The following GRIK1 variants were observed in gnomAD, a reference collection of about 807,000 sequenced individuals.
GRIK1 encodes the protein glutamate ionotropic receptor kainate type subunit 1.
A neutral mutation model predicts 105.7 loss-of-function variants in GRIK1; 69 were observed. The ratio of observed to expected loss-of-function variants is 0.65; its 90% CI spans 0.54 to 0.80. GRIK1 has a LOEUF of 0.80. Among genes scored for constraint, GRIK1 ranks in the 30% least tolerant of loss-of-function variants. GRIK1 has a pLI of 0.00. For synonymous variants in GRIK1, 438 were observed against 431.3 expected, an observed-to-expected ratio of 1.02 and a Z score of -0.19; for missense variants, 1,109 against 1,167.3, an observed-to-expected ratio of 0.95 and a Z score of 0.73.
chr21:29,721,055 A>C (rs1052194290), intron 1 of GRIK1, among the ~76,000 whole-genome samples: 1 of 152,044 alleles, frequency 6.6e-6, no homozygotes, highest in Non-Finnish European at 1.5e-5. Flanking sequence ...CTCTTTCCCC[A>C]AAATCATTTA....
intron 15 of GRIK1, among the ~76,000 whole-genome samples, chr21:29,557,716 A>T (rs2090291950): frequency 6.6e-6 from 1 of 152,164 alleles, no homozygotes; most frequent in South Asian, 2.1e-4. Context: ...AAACAAAATT[A>T]AAAGATATTG....
At chr21:29,651,060 C>T (rs1349753722) in intron 6 of GRIK1, 58 bp downstream of exon 6, 8 of 1,302,648 alleles carry the variant, frequency 6.1e-6, no homozygotes, top group Admixed American at 6.1e-5. Flanking sequence ...TACGTGAGAT[C>T]TTAACCCCGA....
At chr21:29,794,760 T>C (rs2066511381) in intron 1 of GRIK1, among the ~76,000 whole-genome samples, 1 of 152,122 alleles carries the variant, frequency 6.6e-6, no homozygotes. Flanking sequence ...GTTGGGGAAA[T>C]AGAAATATGT....
At chr21:29,870,768 A>G (rs907471881) in intron 1 of GRIK1, among the ~76,000 whole-genome samples, 7 of 152,136 alleles carry the variant, frequency 4.6e-5, no homozygotes, top group Admixed American at 3.9e-4. Context: ...GTAGAACCAG[A>G]ATTATATTTA....
Position 29,899,015 on chromosome 21 carries a change from G to A in GRIK1, c.118+40368C>T, listed in dbSNP as rs149168170. Among the ~76,000 whole-genome samples the A allele has an allele frequency of 1.6e-4, 25 of 151,926 alleles. No homozygotes were observed. The East Asian group carries it at 3.5e-3, about 21-fold the overall frequency. ...AAAACATCTACTTATATAATCTAAT[G>A]GCTTTTTTCATATTCTTATTGTAAT... is the stretch of plus-strand genomic sequence containing the variant. On this transcript the variant is annotated intron_variant, in intron 1 of 17. Coordinates refer to ENST00000327783, the MANE Select transcript of GRIK1 (RefSeq NM_001330994.2).
intron 1 of GRIK1, among the ~76,000 whole-genome samples, chr21:29,782,309 A>T (rs1406881591): frequency 2.6e-5 from 4 of 151,878 alleles, no homozygotes; most frequent in African/African-American, 9.7e-5. Context: ...GATGGTCTCG[A>T]TCTCCTGACC....
chr21:29,612,699 A>G (rs1984823707), intron 7 of GRIK1, among the ~76,000 whole-genome samples: 1 of 152,212 alleles, frequency 6.6e-6, no homozygotes. Flanking sequence ...AGAAAGATTG[A>G]GATAAAACAG....
intron 16 of GRIK1, among the ~76,000 whole-genome samples, chr21:29,552,217 C>G (rs1568800481): frequency 6.6e-6 from 1 of 152,042 alleles, no homozygotes; most frequent in Non-Finnish European, 1.5e-5. Flanking sequence ...CAAGGAAGTG[C>G]TTTAGGGGAT....
rs78190784 is a variant in GRIK1, at chr21:29,846,545, C to A, written c.118+92838G>T. On this transcript the variant is annotated intron_variant, in intron 1 of 17. Coordinates refer to ENST00000327783, the MANE Select transcript of GRIK1 (RefSeq NM_001330994.2). ...ATGCTTCTTCATGCATTTGTCCCGT[C>A]ATTCTGTTGAGCTGTTCTGAGATGC... Among the ~76,000 whole-genome samples, 322 of 152,206 alleles carry A rather than the reference C, an allele frequency of 2.1e-3. 4 individuals are homozygous for A. The highest frequency in any genetic ancestry group is 7.2e-3 in the African/African-American group (297 of 41,534).
rs776463419 is a variant in GRIK1 at position 29,689,856 on chromosome 21, G to A, written c.416C>T (p.Ser139Leu). ...GTAAAACAAATCTTTGTTGTCCACC[G>A]AGGGGTGTTTCCAGCGGGTCTGTAT... is the stretch of plus-strand genomic sequence containing the variant. ...PHIQTRWKHP[S>L]VDNKDLFYIN... is the part of the protein sequence containing the mutation. Residue 139 changes from serine (S) to leucine (L), a missense_variant, in exon 3 of 18, where the codon TCG (serine) becomes TTG (leucine). Physicochemically the swap from Ser to Leu is moderately radical, Grantham distance 145. Coordinates refer to ENST00000327783, the MANE Select transcript of GRIK1 (RefSeq NM_001330994.2). 1.2e-5 allele frequency: 19 copies of A among 1,613,856 alleles called. No individual in the cohort carries two copies. Among genetic ancestry groups the A allele is most frequent in the South Asian group, 2.2e-5 (2 of 91,064 alleles).
chr21:29,698,124 A>G (rs1474572718), intron 1 of GRIK1, among the ~76,000 whole-genome samples: 1 of 150,976 alleles, frequency 6.6e-6, no homozygotes, highest in East Asian at 2.0e-4. Context: ...TGAGCTGTCA[A>G]TGAGACGTCT....
chr21:29,680,722 A>T (rs2063355415), intron 3 of GRIK1, among the ~76,000 whole-genome samples: 1 of 152,248 alleles, frequency 6.6e-6, no homozygotes. Context: ...TCATTTCATC[A>T]TTGTTGTTGT....
intron 6 of GRIK1, among the ~76,000 whole-genome samples, chr21:29,647,534 G>C (rs948496753): frequency 6.6e-6 from 1 of 152,180 alleles, no homozygotes; most frequent in African/African-American, 2.4e-5. Flanking sequence ...AGGCTCTGAC[G>C]TAAGTTTATG....
At chr21:29,884,538 A>G (rs1186000377) in intron 1 of GRIK1, among the ~76,000 whole-genome samples, 1 of 152,124 alleles carries the variant, frequency 6.6e-6, no homozygotes, top group East Asian at 1.9e-4. Context: ...GGCCATGTTC[A>G]TCTCTCAGTT....
At chr21:29,624,875 A>G (rs1268989207) in intron 7 of GRIK1, among the ~76,000 whole-genome samples, 2 of 152,122 alleles carry the variant, frequency 1.3e-5, no homozygotes, top group African/African-American at 4.8e-5. Flanking sequence ...AGACCCATCC[A>G]CTCTCCAGCT....
At chr21:29,803,159 A>T (rs1158546575) in intron 1 of GRIK1, among the ~76,000 whole-genome samples, 1 of 152,168 alleles carries the variant, frequency 6.6e-6, no homozygotes, top group African/African-American at 2.4e-5. Context: ...TAAAGTAACC[A>T]TAACTCCATC....
At chr21:29,775,891 A>G (rs1294098060) in intron 1 of GRIK1, among the ~76,000 whole-genome samples, 1 of 152,220 alleles carries the variant, frequency 6.6e-6, no homozygotes, top group African/African-American at 2.4e-5. Flanking sequence ...GTCAGTTTTC[A>G]TACTGCTATA....
intron 1 of GRIK1, among the ~76,000 whole-genome samples, chr21:29,698,739 T>C (rs896556701): frequency 7.9e-5 from 12 of 152,288 alleles, no homozygotes; most frequent in African/African-American, 2.9e-4. Context: ...TCAAGGTGCA[T>C]GCTTAATATC....
At chr21:29,601,124 G>C (rs2061509967) in intron 7 of GRIK1, 1 of 405,554 alleles carries the variant, frequency 2.5e-6, no homozygotes, top group Admixed American at 2.2e-5. Context: ...GACTGAGCAA[G>C]GCAGACAGCC....
Sources: allele counts gnomAD v4.1 joint callset (sites outside exome capture counted in the v4.1 genomes callset), GRCh38; gene constraint gnomAD v4.1.1; transcripts MANE v1.5; gene names NCBI Gene and HGNC (gene_info 2026-07-23, HGNC 2026-07-21).